ZSCAN20: variants seen among roughly 807,000 people sequenced by gnomAD.
ZSCAN20 encodes zinc finger and SCAN domain containing 20.
Under a neutral mutation model 97.1 loss-of-function variants are expected in ZSCAN20, and 39 were observed. The observed-to-expected ratio is 0.40, with a 90% CI of 0.31 to 0.52. The LOEUF (loss-of-function observed/expected upper bound fraction) is 0.52, where lower values mean the gene tolerates loss of function less well. Ranked by LOEUF, ZSCAN20 falls within the 20% of genes least tolerant of loss-of-function variation. ZSCAN20 has a pLI of 0.49. For missense variants in ZSCAN20, 1,115 were observed against 1,290.4 expected, an observed-to-expected ratio of 0.86 and a Z score of 2.08; for synonymous variants, 456 against 467.3, an observed-to-expected ratio of 0.98 and a Z score of 0.31.
Position 33,479,296 on chromosome 1 carries a change from T to C in ZSCAN20, c.8T>C (p.Met3Thr). MA[M>T]ALELQAQASP... The stretch of plus-strand genomic sequence containing the variant: ...AGGTGTCTGGGTTAGACAATGGCTA[T>C]GGCCCTGGAATTGCAAGCCCAGGCA... The change falls in exon 2 of 8, where the codon ATG becomes ACG. Residue 3 changes from methionine (M) to threonine (T), a missense_variant. Physicochemically the swap from Met to Thr is moderately conservative, Grantham distance 81. Coordinates refer to ENST00000684572, the MANE Select transcript of ZSCAN20 (RefSeq NM_001377376.1). 6.2e-7 allele frequency: 1 copy of C among 1,605,096 alleles called. No homozygotes were observed. Among genetic ancestry groups the C allele is most frequent in the Non-Finnish European group, 8.5e-7 (1 of 1,175,110 alleles).
chr1:33,493,706 A>G lies in ZSCAN20; in HGVS notation c.1873+91A>G, dbSNP rs866557413. ...CTCATTATCTTTTGTCTCTTAACTAAAAGAGAGAATGGGATTGAATGGGAA... is the reference window on the plus strand; with the variant it reads ...CTCATTATCTTTTGTCTCTTAACTAGAAGAGAGAATGGGATTGAATGGGAA... On this transcript the variant is annotated intron_variant, in intron 7 of 7. Transcript: ENST00000684572. This position sits in a 1 kb window ranked among gnomAD's most constrained non-coding sequence, Gnocchi z 4.3. 2.2e-6 allele frequency: 3 copies of G among 1,346,498 alleles called. No individual in the cohort carries two copies. Among genetic ancestry groups the G allele is most frequent in the Middle Eastern group, 2.2e-4 (1 of 4,636 alleles). 83.4% of individuals were successfully genotyped at this position (1,346,498 alleles called of 1,614,324 possible).
chr1:33,485,716 C>T (rs1652339127), intron 2 of ZSCAN20, among the ~76,000 whole-genome samples: 3 of 152,042 alleles, frequency 2.0e-5, no homozygotes, highest in African/African-American at 7.2e-5. Flanking sequence ...CCTGGACTGT[C>T]TTTTTTCTTA....
Position 33,491,079 on chromosome 1 carries a change from T to C in ZSCAN20, c.821T>C (p.Phe274Ser), listed in dbSNP as rs1243612655. The stretch of plus-strand genomic sequence containing the variant: ...TCCGAGAAAGAGCAAGGACCAGAGT[T>C]TTGGGGTCTAAGTCTTATAAATTCT... ...NTSEKEQGPEFWGLSLINSGK... is the reference protein window; with the variant it reads ...NTSEKEQGPESWGLSLINSGK... The change falls in exon 6 of 8, where the codon TTT (phenylalanine) becomes TCT (serine). Residue 274 changes from phenylalanine to serine, a missense_variant. This residue lies in a region of ZSCAN20 where 508 missense variants were observed against 611.2 expected (regional missense o/e 0.83). Coordinates refer to ENST00000684572, the MANE Select transcript of ZSCAN20 (RefSeq NM_001377376.1). This position sits in a 1 kb window ranked among gnomAD's most constrained non-coding sequence, Gnocchi z 4.3. 19 of 1,611,626 alleles carry C rather than the reference T, an allele frequency of 1.2e-5. No homozygotes were observed. The highest frequency in any genetic ancestry group is 1.5e-5 in the Non-Finnish European group (18 of 1,179,394).
At chr1:33,478,887 A>G (rs1652032309) in intron 1 of ZSCAN20, among the ~76,000 whole-genome samples, 1 of 152,114 alleles carries the variant, frequency 6.6e-6, no homozygotes, top group Non-Finnish European at 1.5e-5. Flanking sequence ...TCTTCCTCCA[A>G]AGTGTGAGGC....
intron 1 of ZSCAN20, among the ~76,000 whole-genome samples, chr1:33,477,709 A>C (rs1651987734): frequency 6.7e-6 from 1 of 149,878 alleles, no homozygotes; most frequent in African/African-American, 2.5e-5. Context: ...ATGACACACC[A>C]TCATCATTAG....
chr1:33,494,148 G>T, intron 7 of ZSCAN20, 70 bp from the exon 8 acceptor site: 1 of 1,389,258 alleles, frequency 7.2e-7, no homozygotes, highest in South Asian at 1.5e-5. Context: ...GTACAATACA[G>T]ACACACACAA....
intron 2 of ZSCAN20, among the ~76,000 whole-genome samples, chr1:33,481,293 A>G (rs1231509658): frequency 6.6e-6 from 1 of 152,206 alleles, no homozygotes; most frequent in Non-Finnish European, 1.5e-5. Context: ...AAAGAACTTG[A>G]GACCCAGAGA....
chr1:33,476,402 A>G (rs1210351522), intron 1 of ZSCAN20, among the ~76,000 whole-genome samples: 1 of 152,164 alleles, frequency 6.6e-6, no homozygotes, highest in African/African-American at 2.4e-5. Context: ...AACCTTTGGG[A>G]CTTTCAAGTC....
chr1:33,489,414 G>C, intron 4 of ZSCAN20, 104 bp from the exon 5 acceptor site: 2 of 1,184,336 alleles, frequency 1.7e-6, no homozygotes, highest in Admixed American at 3.9e-5. Flanking sequence ...CTTCACACAT[G>C]GTATCCCTCT....
chr1:33,484,150 CAA>C (rs1652263896), intron 2 of ZSCAN20, among the ~76,000 whole-genome samples: 1 of 152,164 alleles, frequency 6.6e-6, no homozygotes, highest in African/African-American at 2.4e-5. Context: ...CATTTGTGAA[CAA>C]AGAGTCTTTT....
chr1:33,489,782 G>A (rs998820846), intron 5 of ZSCAN20, among the ~76,000 whole-genome samples, 180 bp downstream of exon 5: 3 of 152,170 alleles, frequency 2.0e-5, no homozygotes, highest in African/African-American at 7.2e-5. Flanking sequence ...TCTGCCTGGA[G>A]ACGGGGTGGC....
chr1:33,480,088 A>G lies in ZSCAN20; in HGVS notation c.417+383A>G, dbSNP rs74699139. Among the ~76,000 whole-genome samples, 39 of 152,340 alleles carry G rather than the reference A, an allele frequency of 2.6e-4. No individual in the cohort carries two copies. In the East Asian group the frequency reaches 7.5e-3, roughly 29 times the overall value. ...ACTGCCTCCCACTACCGTATTCACA[A>G]TATGATTAACTCGTGTTTTATACTT... On this transcript the variant is annotated intron_variant, in intron 2 of 7. Coordinates refer to ENST00000684572, the MANE Select transcript of ZSCAN20 (RefSeq NM_001377376.1).
rs780239098 is a variant in ZSCAN20, at chr1:33,493,553, G to C, written c.1811G>C (p.Gly604Ala). The C allele has an allele frequency of 6.2e-7, 1 of 1,612,090 alleles. No individual in the cohort carries two copies. Among genetic ancestry groups the C allele is most frequent in the Non-Finnish European group, 8.5e-7 (1 of 1,178,668 alleles). The change falls in exon 7 of 8, where the codon GGT becomes GCT. Residue 604 changes from glycine (G) to alanine (A), a missense_variant. By Grantham distance (60) the Gly-to-Ala change is moderately conservative. Transcript: ENST00000684572. The surrounding 1 kb of genome is among the most constrained non-coding windows in gnomAD (Gnocchi z 4.3). Reference protein sequence around the residue: ...SAETDAQEAWGEVANEDAVKP... With the variant: ...SAETDAQEAWAEVANEDAVKP... ...GAGACTGATGCCCAGGAGGCCTGGG[G>C]TGAAGTGGCCAATGAAGATGCTGTC...
In ZSCAN20 at chr1:33,473,340, C is replaced by T. The variant is rs553754888; in HGVS notation, c.-111+649C>T. ...TCTTTAATATCTTTTCAGTCGGCCT[C>T]TTTCTTGTAGGGTTTTCGCAGAAGC... On this transcript the variant is annotated intron_variant, in intron 1 of 7. Coordinates refer to ENST00000684572, the MANE Select transcript of ZSCAN20 (RefSeq NM_001377376.1). 2.6e-5 allele frequency among the ~76,000 whole-genome samples: 4 copies of T among 152,314 alleles called. No individual in the cohort carries two copies. The South Asian group carries it at 6.2e-4, about 24-fold the overall frequency.
chr1:33,493,051 G>A lies in ZSCAN20; in HGVS notation c.1445-136G>A. On this transcript the variant is annotated intron_variant, in intron 6 of 7. Coordinates refer to ENST00000684572, the MANE Select transcript of ZSCAN20 (RefSeq NM_001377376.1). The surrounding 1 kb of genome is among the most constrained non-coding windows in gnomAD (Gnocchi z 4.3). ...CCTAGCATGCCCCTGAGAAGCAAAGGGATATTCTCCAGGTACCTGGATAGT... is the reference window on the plus strand; with the variant it reads ...CCTAGCATGCCCCTGAGAAGCAAAGAGATATTCTCCAGGTACCTGGATAGT... 1.1e-6 allele frequency: 1 copy of A among 887,428 alleles called. No homozygotes were observed. Among genetic ancestry groups the A allele is most frequent in the African/African-American group, 1.7e-5 (1 of 59,702 alleles). The allele number at this position is 887,428 out of a possible 1,614,324, so 55.0% of individuals were successfully genotyped here. A position where few individuals can be genotyped will look rare whatever the true frequency, so the allele number is the denominator to read the frequency against.
chr1:33,497,608 A>C lies in ZSCAN20; in HGVS notation c.*2132A>C, dbSNP rs1015837239. ...TTCAGATGTGCATGGTTGAAATCTG[A>C]CAGCTGAATGGAACTTGGACATGCT... On this transcript the variant is annotated 3_prime_UTR_variant, in exon 8 of 8. Transcript: ENST00000684572. Among the ~76,000 whole-genome samples the C allele has an allele frequency of 6.6e-6, 1 of 152,156 alleles. No individual in the cohort carries two copies. The highest frequency in any genetic ancestry group is 1.5e-5 in the Non-Finnish European group (1 of 68,026).
Position 33,491,371 on chromosome 1 carries a change from G to A in ZSCAN20, c.1113G>A (p.Arg371=). The part of the protein sequence containing the change: ...AEQLRARGFL[R]TLEQCRYRVK... ...AGCTAAGGGCAAGGGGCTTCCTGCG[G>A]ACACTGGAGCAATGTCGCTATAGGG... Residue 371 remains arginine, a synonymous_variant, in exon 6 of 8, where the codon CGG becomes CGA. Transcript: ENST00000684572. This position sits in a 1 kb window ranked among gnomAD's most constrained non-coding sequence, Gnocchi z 4.3. 1 of 1,614,190 alleles carries A rather than the reference G, an allele frequency of 6.2e-7. No homozygotes were observed. Among genetic ancestry groups the A allele is most frequent in the African/African-American group, 1.3e-5 (1 of 75,048 alleles).
rs368385406 is a variant in ZSCAN20 at position 33,501,019 on chromosome 1, T to C, written c.*5543T>C. ...CCACAGAGAAGCTTCCGCATATTTA[T>C]AGGCACTGGGGACCAGCAGGAAGTG... On this transcript the variant is annotated 3_prime_UTR_variant, in exon 8 of 8. Transcript: ENST00000684572. Among the ~76,000 whole-genome samples, 25 of 152,232 alleles carry C rather than the reference T, an allele frequency of 1.6e-4. No individual in the cohort carries two copies. The highest frequency in any genetic ancestry group is 7.7e-4 in the East Asian group (4 of 5,176).
rs1244060093 is a variant in ZSCAN20, at chr1:33,494,587, G to T, written c.2243G>T (p.Ser748Ile). Residue 748 changes from serine to isoleucine, a missense_variant, in exon 8 of 8, where the codon AGT becomes ATT. By Grantham distance (142) the Ser-to-Ile change is moderately radical. This residue lies in a region of ZSCAN20 where 554 missense variants were observed against 584.9 expected (regional missense o/e 0.95). Coordinates refer to ENST00000684572, the MANE Select transcript of ZSCAN20 (RefSeq NM_001377376.1). ...YKCLECGKNF[S>I]DRSNLNTHQR... ...TGCCTTGAATGTGGAAAAAACTTTA[G>T]TGACCGCTCTAACCTCAATACCCAT... The T allele has an allele frequency of 1.2e-6, 2 of 1,613,884 alleles. No individual in the cohort carries two copies. The highest frequency in any genetic ancestry group is 1.7e-6 in the Non-Finnish European group (2 of 1,179,876).
Sources: gnomAD v4.1 joint callset for allele counts (sites outside exome capture counted in the v4.1 genomes callset) on GRCh38, gnomAD v4.1.1 for gene constraint, gnomAD v4.1.1 regional missense constraint, Gnocchi (gnomAD v3.1) non-coding constraint, MANE v1.5 for transcripts, NCBI Gene and HGNC (gene_info 2026-07-23, HGNC 2026-07-21) for gene names.